CADM2: variants seen among roughly 807,000 people sequenced by gnomAD.
CADM2 encodes immunoglobulin superfamily member 4D.
In CADM2, 12 loss-of-function variants were observed where a neutral mutation model predicts 49.8. That is an observed-to-expected ratio of 0.24 (90% CI 0.15 to 0.39). The LOEUF (loss-of-function observed/expected upper bound fraction) is 0.39. Among genes scored for constraint, CADM2 ranks in the 10% least tolerant of loss-of-function variants. CADM2 has a pLI of 1.00. For missense variants in CADM2, 378 were observed against 492.3 expected, an observed-to-expected ratio of 0.77 and a Z score of 2.20; for synonymous variants, 214 against 175.4, an observed-to-expected ratio of 1.22 and a Z score of -1.74.
chr3:85,716,000 T>A (rs1476083087), intron 1 of CADM2, among the ~76,000 whole-genome samples: 1 of 152,252 alleles, frequency 6.6e-6, no homozygotes, highest in African/African-American at 2.4e-5. Context: ...GAATGATTTA[T>A]AATCCTTTGG....
At chr3:85,228,353 TCTTA>T (rs1223139436) in intron 1 of CADM2, among the ~76,000 whole-genome samples, 2 of 151,860 alleles carry the variant, frequency 1.3e-5, no homozygotes, top group African/African-American at 2.4e-5. Flanking sequence ...AATCTTGTCT[TCTTA>T]CTTTATTTCA....
intron 1 of CADM2, among the ~76,000 whole-genome samples, chr3:85,347,756 C>T (rs1053496596): frequency 6.6e-6 from 1 of 150,906 alleles, no homozygotes; most frequent in Non-Finnish European, 1.5e-5. Flanking sequence ...ATTCTCCTGC[C>T]TCAGCCTGCA....
intron 1 of CADM2, among the ~76,000 whole-genome samples, chr3:85,495,575 T>C (rs926004413): frequency 3.3e-5 from 5 of 152,070 alleles, no homozygotes; most frequent in African/African-American, 1.2e-4. Flanking sequence ...TTCTTTATTA[T>C]TTTGCTGATT....
chr3:85,325,774 A>T (rs920773640), intron 1 of CADM2, among the ~76,000 whole-genome samples: 1 of 151,874 alleles, frequency 6.6e-6, no homozygotes, highest in Non-Finnish European at 1.5e-5. Context: ...GCCATGATTT[A>T]AAAAAATCTA....
intron 1 of CADM2, among the ~76,000 whole-genome samples, chr3:85,456,176 C>T (rs773629590): frequency 5.9e-5 from 9 of 152,120 alleles, no homozygotes; most frequent in Non-Finnish European, 1.2e-4. Flanking sequence ...AACAAAAAGT[C>T]AGAGTTGTCT....
chr3:84,974,082 A>G (rs2031650554), intron 1 of CADM2, among the ~76,000 whole-genome samples: 1 of 152,062 alleles, frequency 6.6e-6, no homozygotes, highest in African/African-American at 2.4e-5. Flanking sequence ...ACTTCCTTTA[A>G]TATTTAACTT....
At chr3:85,183,734 T>C (rs933510319) in intron 1 of CADM2, among the ~76,000 whole-genome samples, 6 of 152,284 alleles carry the variant, frequency 3.9e-5, no homozygotes, top group Non-Finnish European at 7.4e-5. Context: ...TTAATACTCA[T>C]TAAAGACTTG....
intron 1 of CADM2, among the ~76,000 whole-genome samples, chr3:85,080,787 A>T (rs1454491939): frequency 1.3e-5 from 2 of 152,004 alleles, no homozygotes; most frequent in Non-Finnish European, 2.9e-5. Flanking sequence ...TTAGTCCTAT[A>T]TTATTTTTTT....
chr3:85,737,731 T>C (rs143756956), intron 2 of CADM2, among the ~76,000 whole-genome samples: 2 of 152,084 alleles, frequency 1.3e-5, no homozygotes, highest in African/African-American at 2.4e-5. Flanking sequence ...CTAAGTTTTT[T>C]GTATTTTTAG....
chr3:85,879,285 C>A (rs987499697), intron 3 of CADM2, among the ~76,000 whole-genome samples: 6 of 151,916 alleles, frequency 3.9e-5, no homozygotes, highest in Non-Finnish European at 8.8e-5. Context: ...AATTCAGTCA[C>A]AAGCACAGAC....
intron 1 of CADM2, among the ~76,000 whole-genome samples, chr3:85,709,528 G>T (rs1357251154): frequency 1.3e-5 from 2 of 152,080 alleles, no homozygotes; most frequent in Non-Finnish European, 2.9e-5. Context: ...AACAAAAATG[G>T]TTCTTATTTA....
At chr3:85,620,413 A>T (rs984067179) in intron 1 of CADM2, among the ~76,000 whole-genome samples, 8 of 152,080 alleles carry the variant, frequency 5.3e-5, no homozygotes, top group African/African-American at 1.7e-4. Context: ...TGATAGGTAC[A>T]TAGATCCAAT....
intron 2 of CADM2, among the ~76,000 whole-genome samples, chr3:85,788,776 T>C (rs1029984405): frequency 6.6e-6 from 1 of 152,032 alleles, no homozygotes; most frequent in Non-Finnish European, 1.5e-5. Flanking sequence ...ATCTTTATCG[T>C]ATTTGGCTAG....
At chr3:86,016,559 A>G (rs1732258657) in intron 8 of CADM2, among the ~76,000 whole-genome samples, 1 of 152,196 alleles carries the variant, frequency 6.6e-6, no homozygotes, top group Non-Finnish European at 1.5e-5. Flanking sequence ...TCCTTTAGGA[A>G]AAAGCTAGCA....
At chr3:85,979,919 A>AT (rs1727266874) in intron 8 of CADM2, among the ~76,000 whole-genome samples, 1 of 151,596 alleles carries the variant, frequency 6.6e-6, no homozygotes, top group Non-Finnish European at 1.5e-5. Flanking sequence ...ACAAATAAGA[A>AT]TTTTATTTCA....
At chr3:85,732,589 AAT>A (rs1465328644) in intron 2 of CADM2, among the ~76,000 whole-genome samples, 1 of 152,202 alleles carries the variant, frequency 6.6e-6, no homozygotes, top group African/African-American at 2.4e-5. Flanking sequence ...ATAGTGCAAT[AAT>A]GTTTATTAAG....
intron 1 of CADM2, among the ~76,000 whole-genome samples, chr3:85,586,135 T>G (rs1296210778): frequency 6.6e-6 from 1 of 152,068 alleles, no homozygotes; most frequent in East Asian, 1.9e-4. Context: ...TTACCTATCA[T>G]CCACTGATAG....
At chr3:85,717,996 C>T (rs2107757343) in intron 1 of CADM2, among the ~76,000 whole-genome samples, 1 of 152,280 alleles carries the variant, frequency 6.6e-6, no homozygotes, top group East Asian at 1.9e-4. Flanking sequence ...TCTTGAACTC[C>T]TCACTTCAGG....
intron 1 of CADM2, among the ~76,000 whole-genome samples, chr3:85,557,820 C>A (rs899040749): frequency 6.6e-6 from 1 of 151,990 alleles, no homozygotes; most frequent in Non-Finnish European, 1.5e-5. Context: ...ATCCTGTGCC[C>A]TATGTGCCAT....
Sources: gnomAD v4.1 joint callset for allele counts (sites outside exome capture counted in the v4.1 genomes callset) on GRCh38, gnomAD v4.1.1 for gene constraint, MANE v1.5 for transcripts, NCBI Gene and HGNC (gene_info 2026-07-23, HGNC 2026-07-21) for gene names.